The following LCP1 variants were observed in gnomAD, a reference collection of about 807,000 sequenced individuals.
The protein encoded by LCP1 is plastin-2.
Under a neutral mutation model 72.0 loss-of-function variants are expected in LCP1, and 23 were observed. That is an observed-to-expected ratio of 0.32 (90% CI 0.23 to 0.45). The LOEUF is 0.45. LCP1 is among the 20% of genes least tolerant of loss of function. The pLI is 1.00. For missense variants in LCP1, 571 were observed against 748.3 expected (o/e 0.76, Z 2.76); for synonymous variants, 245 against 275.4 (o/e 0.89, Z 1.09).
chr13:46,167,913 C>G (rs2045885508), intron 1 of LCP1, among the ~76,000 whole-genome samples: 1 of 152,118 alleles, frequency 6.6e-6, no homozygotes, highest in Admixed American at 6.5e-5. Context: ...GAAAAGAGTT[C>G]TGACGATCAA....
chr13:46,166,499 C>T (rs554170723), intron 1 of LCP1, among the ~76,000 whole-genome samples: 6 of 152,306 alleles, frequency 3.9e-5, no homozygotes, highest in African/African-American at 1.4e-4. Context: ...TAGTTAAAGT[C>T]AAACCGGACA....
intron 13 of LCP1, among the ~76,000 whole-genome samples, chr13:46,139,233 A>G (rs560301826): frequency 6.6e-6 from 1 of 152,310 alleles, no homozygotes; most frequent in South Asian, 2.1e-4. Context: ...TTAGTTCTGG[A>G]GTTTTCTGCA....
intron 1 of LCP1, among the ~76,000 whole-genome samples, chr13:46,167,059 C>A (rs1463267671): frequency 6.6e-6 from 1 of 152,152 alleles, no homozygotes; most frequent in South Asian, 2.1e-4. Context: ...TGTCCTTTTT[C>A]TCCCTGCAGA....
intron 13 of LCP1, among the ~76,000 whole-genome samples, chr13:46,141,480 ATCTT>A (rs2045698505): frequency 2.0e-5 from 3 of 151,978 alleles, no homozygotes; most frequent in African/African-American, 4.8e-5. Flanking sequence ...ATAAAGAGAA[ATCTT>A]AAAATAAGCC....
chr13:46,135,682 C>T (rs1282308120), intron 13 of LCP1, among the ~76,000 whole-genome samples: 2 of 151,936 alleles, frequency 1.3e-5, no homozygotes, highest in African/African-American at 4.8e-5. Context: ...TCAATTAGCT[C>T]CTCTTCATTC....
chr13:46,130,883 G>C lies in LCP1; in HGVS notation c.1682C>G (p.Pro561Arg). The change falls in exon 15 of 16, where the codon CCA (proline) becomes CGA (arginine). Residue 561 changes from proline to arginine, a missense_variant. By Grantham distance (103) the Pro-to-Arg change is moderately radical. Coordinates refer to ENST00000323076, the MANE Select transcript of LCP1 (RefSeq NM_002298.5). ...CAGAAGGTCATAGTTAATGGAACCT[G>C]GTTGGATGGCATCGATGAGGTCCAG... ...PVLDLIDAIQPGSINYDLLKT... is the reference protein window; with the variant it reads ...PVLDLIDAIQRGSINYDLLKT... 3 of 1,612,954 alleles carry C rather than the reference G, an allele frequency of 1.9e-6. No individual in the cohort carries two copies. The highest frequency in any genetic ancestry group is 1.1e-5 in the South Asian group (1 of 90,834).
intron 4 of LCP1, 84 bp from the exon 5 acceptor site, chr13:46,156,654 A>C: frequency 2.1e-4 from 293 of 1,423,336 alleles, no homozygotes; most frequent in Non-Finnish European, 2.6e-4. Flanking sequence ...TTAAATTCTC[A>C]TTCCCAGCAG....
In LCP1 at chr13:46,148,462, G is replaced by GA. The variant is rs777797430; in HGVS notation, c.883-16dup. The stretch of plus-strand genomic sequence containing the variant: ...GCTTTTGAGTCCTGTGAGAAATTAA[G>GA]AAATTCCAATTTCAAAATAGCACAG... On this transcript the variant is annotated splice_polypyrimidine_tract_variant and intron_variant, in intron 8 of 15. Coordinates refer to ENST00000323076, the MANE Select transcript of LCP1 (RefSeq NM_002298.5). 3 of 1,547,958 alleles carry GA rather than the reference G, an allele frequency of 1.9e-6. No individual in the cohort carries two copies. Among genetic ancestry groups the GA allele is most frequent in the East Asian group, 2.2e-5 (1 of 44,576 alleles).
chr13:46,165,486 T>C (rs1185137961), intron 1 of LCP1, among the ~76,000 whole-genome samples: 4 of 152,212 alleles, frequency 2.6e-5, no homozygotes, highest in Non-Finnish European at 5.9e-5. Context: ...TAGTTGGTGA[T>C]GGCTTTAGTT....
chr13:46,154,936 G>A (rs770296070), intron 5 of LCP1, 50 bp from the exon 6 acceptor site: 1 of 1,377,428 alleles, frequency 7.3e-7, no homozygotes, highest in Non-Finnish European at 1.0e-6. Context: ...GAATAACAGA[G>A]CCCAGTAACG....
In LCP1 at chr13:46,152,916, G is replaced by A. The variant is rs773764680; in HGVS notation, c.603C>T (p.Ala201=). Residue 201 remains alanine, a synonymous_variant, in exon 7 of 16, where the codon GCC becomes GCT. Coordinates refer to ENST00000323076, the MANE Select transcript of LCP1 (RefSeq NM_002298.5). The part of the protein sequence containing the change: ...QENLNLALNS[A]SAIGCHVVNI... Reference sequence around the variant, plus strand: ...TGACCACATGGCACCCGATGGCTGAGGCAGAGTTCAGAGCCAAGTTCAGAT... The same window carrying A: ...TGACCACATGGCACCCGATGGCTGAAGCAGAGTTCAGAGCCAAGTTCAGAT... The A allele has an allele frequency of 6.8e-6, 11 of 1,613,212 alleles. No homozygotes were observed. In the South Asian group the frequency reaches 9.9e-5, roughly 15 times the overall value.
chr13:46,148,686 G>C (rs1566438568), intron 8 of LCP1: 1 of 477,850 alleles, frequency 2.1e-6, no homozygotes, highest in Non-Finnish European at 3.3e-6. Context: ...TACACAAAAG[G>C]CACCCTAAAG....
chr13:46,176,387 GA>G (rs2045930584), intron 1 of LCP1, among the ~76,000 whole-genome samples: 1 of 152,088 alleles, frequency 6.6e-6, no homozygotes, highest in South Asian at 2.1e-4. Flanking sequence ...AAGCTATATT[GA>G]ATGCACACAC....
At chr13:46,159,538 T>A (rs2045824759) in intron 2 of LCP1, 61 bp downstream of exon 2, 3 of 1,346,776 alleles carry the variant, frequency 2.2e-6, no homozygotes, top group Admixed American at 1.8e-5. Flanking sequence ...TCATTGAATC[T>A]ACCCTGAAGC....
At chr13:46,162,812 G>A (rs1217969088) in intron 1 of LCP1, among the ~76,000 whole-genome samples, 2 of 152,038 alleles carry the variant, frequency 1.3e-5, no homozygotes, top group African/African-American at 2.4e-5. Flanking sequence ...TCTGGGATGT[G>A]AGGAGCGCCT....
In LCP1 at chr13:46,143,393, T is replaced by C; in HGVS notation, c.1265A>G (p.Asp422Gly). 1.2e-6 allele frequency: 2 copies of C among 1,612,284 alleles called. No individual in the cohort carries two copies. The highest frequency in any genetic ancestry group is 1.7e-6 in the Non-Finnish European group (2 of 1,178,354). ...ATAGAGCTGGAAGATGACCAGGGCATCTGATAAGTCACTGAACAAAACAAA... is the reference window on the plus strand; with the variant it reads ...ATAGAGCTGGAAGATGACCAGGGCACCTGATAAGTCACTGAACAAAACAAA... Reference protein sequence around the residue: ...RVNHLYSDLSDALVIFQLYEK... With the variant: ...RVNHLYSDLSGALVIFQLYEK... Residue 422 changes from aspartate (D) to glycine (G), a missense_variant, in exon 12 of 16, where the codon GAT becomes GGT. Coordinates refer to ENST00000323076, the MANE Select transcript of LCP1 (RefSeq NM_002298.5).
intron 1 of LCP1, among the ~76,000 whole-genome samples, chr13:46,171,374 G>C (rs562983424): frequency 2.5e-4 from 38 of 152,236 alleles, no homozygotes; most frequent in Middle Eastern, 6.8e-3. Flanking sequence ...ATGTTAATTA[G>C]GGAAACACAT....
rs1236465284 is a variant in LCP1 at position 46,127,651 on chromosome 13, G to A, written c.1824C>T (p.Asn608=). The part of the protein sequence containing the change: ...YALPEDLVEV[N]PKMVMTVFAC... ...CAAACACGGTCATGACCATTTTGGG[G>A]TTCACTTCAACCAGGTCTTCTGGCA... The change falls in exon 16 of 16, where the codon AAC becomes AAT. Residue 608 remains asparagine, a synonymous_variant. Coordinates refer to ENST00000323076, the MANE Select transcript of LCP1 (RefSeq NM_002298.5). 1 of 1,614,132 alleles carries A rather than the reference G, an allele frequency of 6.2e-7. No homozygotes were observed. Among genetic ancestry groups the A allele is most frequent in the Non-Finnish European group, 8.5e-7 (1 of 1,180,018 alleles).
chr13:46,163,647 A>C (rs900286243), intron 1 of LCP1, among the ~76,000 whole-genome samples: 3 of 151,610 alleles, frequency 2.0e-5, no homozygotes, highest in East Asian at 2.1e-4. Context: ...AAAAAAAAAA[A>C]AAAAACAATG....
Sources: allele counts gnomAD v4.1 joint callset (sites outside exome capture counted in the v4.1 genomes callset), GRCh38; gene constraint gnomAD v4.1.1; transcripts MANE v1.5; gene names NCBI Gene and HGNC (gene_info 2026-07-23, HGNC 2026-07-21).